The following GALNT18 variants were observed in gnomAD, a reference collection of about 807,000 sequenced individuals.
GALNT18 encodes the protein polypeptide N-acetylgalactosaminyltransferase 18, also known as GalNAc-transferase 18.
GALNT18 carries 44 observed loss-of-function variants against 69.5 expected under a neutral mutation model. The observed-to-expected ratio is 0.63, with a 90% CI of 0.50 to 0.81. The LOEUF is 0.81. Ranked by LOEUF, GALNT18 falls within the 40% of genes least tolerant of loss-of-function variation. The pLI is 0.00. For synonymous variants in GALNT18, 364 were observed against 318.2 expected, an observed-to-expected ratio of 1.14 and a Z score of -1.53; for missense variants, 715 against 810.0, an observed-to-expected ratio of 0.88 and a Z score of 1.42.
chr11:11,407,703 C>A (rs1386501852), intron 3 of GALNT18, among the ~76,000 whole-genome samples: 1 of 152,148 alleles, frequency 6.6e-6, no homozygotes, highest in African/African-American at 2.4e-5. Context: ...CTTTATTTGG[C>A]CACTGAACTT....
intron 3 of GALNT18, among the ~76,000 whole-genome samples, chr11:11,420,128 A>G (rs570135363): frequency 1.4e-4 from 20 of 143,332 alleles, no homozygotes; most frequent in South Asian, 8.7e-4. Flanking sequence ...TTGAAAGAAG[A>G]AAAAAAAAAA....
At position 11,591,524 on chromosome 11, in the gene GALNT18, G is replaced by A. The variant is rs542460009; in HGVS notation, c.235+29835C>T. 3.9e-5 allele frequency among the ~76,000 whole-genome samples: 6 copies of A among 152,240 alleles called. No individual in the cohort carries two copies. The South Asian group carries it at 1.2e-3, about 32-fold the overall frequency. The stretch of plus-strand genomic sequence containing the variant: ...CCAATTTTATAGGCAAGTGGGGAGG[G>A]AGACCATAACAGCCTCCATTTCTCT... On this transcript the variant is annotated intron_variant, in intron 1 of 10. Transcript: ENST00000227756. The surrounding 1 kb of genome is among the most constrained non-coding windows in gnomAD (Gnocchi z 4.8).
In GALNT18 at chr11:11,604,450, C is replaced by A. The variant is rs1859700524; in HGVS notation, c.235+16909G>T. Among the ~76,000 whole-genome samples the A allele has an allele frequency of 6.6e-6, 1 of 152,112 alleles. No individual in the cohort carries two copies. The highest frequency in any genetic ancestry group is 2.1e-4 in the South Asian group (1 of 4,820). ...GGAGAGTGGGGAAGGACAGGGTGGA[C>A]AAGCGATCTACATCCAGCCCTAGAC... On this transcript the variant is annotated intron_variant, in intron 1 of 10. Transcript: ENST00000227756. The surrounding 1 kb of genome is among the most constrained non-coding windows in gnomAD (Gnocchi z 5.6).
In GALNT18 at chr11:11,548,338, G is replaced by A. The variant is rs556910947; in HGVS notation, c.235+73021C>T. 4.5e-3 allele frequency among the ~76,000 whole-genome samples: 689 copies of A among 152,216 alleles called. 8 individuals carry two copies. The highest frequency in any genetic ancestry group is 0.016 in the African/African-American group (665 of 41,534). On this transcript the variant is annotated intron_variant, in intron 1 of 10. Transcript: ENST00000227756. ...CACCCTAGTGAGACTGCAGTAGGTAGAAAAAAGAGAGAGGCAGCCTCTGTC... is the reference window on the plus strand; with the variant it reads ...CACCCTAGTGAGACTGCAGTAGGTAAAAAAAAGAGAGAGGCAGCCTCTGTC...
intron 1 of GALNT18, among the ~76,000 whole-genome samples, chr11:11,578,617 C>T (rs1317889127): frequency 1.3e-5 from 2 of 152,146 alleles, no homozygotes; most frequent in South Asian, 2.1e-4. Flanking sequence ...AAGCAAAAAG[C>T]GACAAGGCAT....
chr11:11,448,091 C>G (rs11021856), intron 2 of GALNT18, among the ~76,000 whole-genome samples: 2 of 152,092 alleles, frequency 1.3e-5, no homozygotes, highest in African/African-American at 4.8e-5. Flanking sequence ...TAAAAGAACA[C>G]GGCCTCCAAA....
intron 9 of GALNT18, among the ~76,000 whole-genome samples, chr11:11,304,648 T>A (rs529836921): frequency 6.6e-6 from 1 of 152,356 alleles, no homozygotes; most frequent in South Asian, 2.1e-4. Context: ...TTGTTCGAAA[T>A]AGTCTCTGCC....
intron 7 of GALNT18, among the ~76,000 whole-genome samples, chr11:11,336,439 C>T (rs373919729): frequency 2.0e-5 from 3 of 152,154 alleles, no homozygotes; most frequent in Non-Finnish European, 2.9e-5. Context: ...AGGGCATAAA[C>T]GATCACATCA....
At chr11:11,594,374 T>A (rs923265656) in intron 1 of GALNT18, among the ~76,000 whole-genome samples, 1 of 152,214 alleles carries the variant, frequency 6.6e-6, no homozygotes, top group African/African-American at 2.4e-5. Flanking sequence ...GGTTTTTAGT[T>A]GATTCACAGA....
At chr11:11,280,661 T>C (rs1849053507) in intron 10 of GALNT18, among the ~76,000 whole-genome samples, 1 of 152,166 alleles carries the variant, frequency 6.6e-6, no homozygotes, top group African/African-American at 2.4e-5. Flanking sequence ...TCCAAACTGG[T>C]TGCCCTCCTT....
chr11:11,278,710 T>C lies in GALNT18; in HGVS notation c.1678-7420A>G, dbSNP rs773968557. Among the ~76,000 whole-genome samples the C allele has an allele frequency of 2.9e-4, 44 of 151,846 alleles. 1 individual carries two copies. The highest frequency in any genetic ancestry group is 6.8e-3 in the Middle Eastern group (2 of 294). On this transcript the variant is annotated intron_variant, in intron 10 of 10. Transcript: ENST00000227756. ...GGTTACCAGAGGCTAAGAAAGGTAG[T>C]AGGGAGGAGAGGAAAAAGCAGGGAT...
intron 3 of GALNT18, among the ~76,000 whole-genome samples, chr11:11,417,685 C>T (rs1854898382): frequency 2.6e-5 from 4 of 152,320 alleles, no homozygotes; most frequent in African/African-American, 9.6e-5. Flanking sequence ...CTTGCATCGG[C>T]CCACATCCCA....
rs1339425194 is a variant in GALNT18, at chr11:11,314,037, G to T, written c.1512+13049C>A. ...GCACCCGCCCCCATTTTACTGATCA[G>T]GGAGGCTCAGTGAGGTAATGTGACT... On this transcript the variant is annotated intron_variant, in intron 9 of 10. Transcript: ENST00000227756. The surrounding 1 kb of genome is among the most constrained non-coding windows in gnomAD (Gnocchi z 5.2). 1.3e-5 allele frequency among the ~76,000 whole-genome samples: 2 copies of T among 152,172 alleles called. No homozygotes were observed. Among genetic ancestry groups the T allele is most frequent in the Non-Finnish European group, 2.9e-5 (2 of 68,044 alleles).
At chr11:11,369,926 G>A (rs979740554) in intron 6 of GALNT18, among the ~76,000 whole-genome samples, 48 of 151,886 alleles carry the variant, frequency 3.2e-4, no homozygotes, top group African/African-American at 1.1e-3. Flanking sequence ...TTTTTGAGAC[G>A]GTGCTCAAAG....
chr11:11,519,263 T>C (rs4345960), intron 1 of GALNT18, among the ~76,000 whole-genome samples: 34,499 of 152,026 alleles, frequency 0.23, 4,314 homozygotes, highest in Non-Finnish European at 0.25. Context: ...AGGCAGACAG[T>C]ATTAAGGAAA....
At chr11:11,345,608 G>T (rs1850288313) in intron 6 of GALNT18, among the ~76,000 whole-genome samples, 1 of 152,140 alleles carries the variant, frequency 6.6e-6, no homozygotes, top group South Asian at 2.1e-4. Context: ...GCACGATAGA[G>T]CAAGCCCCAA....
chr11:11,434,942 T>C (rs1039756975), intron 2 of GALNT18, among the ~76,000 whole-genome samples: 10 of 152,240 alleles, frequency 6.6e-5, no homozygotes, highest in African/African-American at 2.2e-4. Context: ...GGGTTTTCCC[T>C]AGGCATGGAA....
At chr11:11,330,851 C>T (rs1850006610) in intron 8 of GALNT18, among the ~76,000 whole-genome samples, 1 of 152,224 alleles carries the variant, frequency 6.6e-6, no homozygotes, top group Non-Finnish European at 1.5e-5. Flanking sequence ...GTACACACCT[C>T]TACTGTTACT....
Position 11,485,194 on chromosome 11 carries a change from C to T in GALNT18, c.236-36258G>A, listed in dbSNP as rs12287439. On this transcript the variant is annotated intron_variant, in intron 1 of 10. Coordinates refer to ENST00000227756, the MANE Select transcript of GALNT18 (RefSeq NM_198516.3). ...ACAATCAGTTCTCCAGCAGACACCA[C>T]CTGCGTGTTCTCTAATTCAATTCCA... is the stretch of plus-strand genomic sequence containing the variant. Among the ~76,000 whole-genome samples the T allele has an allele frequency of 8.0e-3, 1,221 of 152,356 alleles. 11 individuals carry two copies. The highest frequency in any genetic ancestry group is 0.013 in the Non-Finnish European group (878 of 68,036).
Sources: gnomAD v4.1 joint callset for allele counts (sites outside exome capture counted in the v4.1 genomes callset) on GRCh38, gnomAD v4.1.1 for gene constraint, Gnocchi (gnomAD v3.1) non-coding constraint, MANE v1.5 for transcripts, NCBI Gene and HGNC (gene_info 2026-07-23, HGNC 2026-07-21) for gene names.